Variants in PUDP observed in about 807,000 individuals in gnomAD.
PUDP encodes the protein pseudouridine-5'-phosphatase.
PUDP carries 8 observed loss-of-function variants against 9.4 expected under a neutral mutation model. The ratio of observed to expected loss-of-function variants is 0.85; its 90% confidence interval spans 0.50 to 1.53. The LOEUF (loss-of-function observed/expected upper bound fraction) is 1.53. Among genes scored for constraint, PUDP ranks in the 40% most tolerant of loss-of-function variants. The pLI, the probability that PUDP is intolerant of heterozygous loss-of-function variation, is 0.00. For synonymous variants in PUDP, 99 were observed against 80.7 expected (o/e 1.23, Z -1.22); for missense variants, 188 against 189.7 (o/e 0.99, Z 0.05).
chrX:7,130,875 G>C (rs1932603822), intron 1 of PUDP, among the ~76,000 whole-genome samples: 1 of 111,502 alleles, frequency 9.0e-6, no homozygotes, highest in African/African-American at 3.3e-5. Flanking sequence ...AACAGAATGA[G>C]ACTCTGTCTC....
At chrX:6,719,133 C>A (rs2146654209) in intron 1 of PUDP, among the ~76,000 whole-genome samples, 1 of 111,510 alleles carries the variant, frequency 9.0e-6, no homozygotes, top group South Asian at 3.9e-4. Context: ...ACTTAAACAA[C>A]AGAAATTTAT....
At chrX:6,950,591 T>A (rs1260108021) in intron 3 of PUDP, among the ~76,000 whole-genome samples, 1 of 104,879 alleles carries the variant, frequency 9.5e-6, no homozygotes, top group Non-Finnish European at 1.9e-5. Context: ...TTTGTATTTT[T>A]AGTGTAGACA....
chrX:6,940,291 A>G (rs1454074559), intron 3 of PUDP, among the ~76,000 whole-genome samples: 1 of 113,203 alleles, frequency 8.8e-6, no homozygotes, highest in Non-Finnish European at 1.9e-5. Flanking sequence ...GGCTTTTTTC[A>G]CACTACAATG....
At chrX:7,074,642 C>T (rs1290335563) in intron 3 of PUDP, among the ~76,000 whole-genome samples, 1 of 112,209 alleles carries the variant, frequency 8.9e-6, no homozygotes, top group Non-Finnish European at 1.9e-5. Context: ...TGAACAATAA[C>T]TCAGGTTAAA....
chrX:6,849,523 A>C (rs1926797616), intron 3 of PUDP, among the ~76,000 whole-genome samples: 1 of 111,454 alleles, frequency 9.0e-6, no homozygotes, highest in Non-Finnish European at 1.9e-5. Context: ...GATCATATTG[A>C]CCTGGCCAAA....
intron 2 of PUDP, among the ~76,000 whole-genome samples, chrX:7,088,548 T>G (rs1325849796): frequency 1.8e-5 from 2 of 111,926 alleles, no homozygotes; most frequent in African/African-American, 6.5e-5. Context: ...AACGTGAAAA[T>G]TTCCCTCTCA....
Position 6,801,427 on chromosome X carries a change from G to A in PUDP, c.*248-94961C>T, listed in dbSNP as rs182759337. 1.9e-3 allele frequency among the ~76,000 whole-genome samples: 218 copies of A among 112,370 alleles called. 1 individual carries two copies. Among genetic ancestry groups the A allele is most frequent in the African/African-American group, 6.8e-3 (210 of 30,939 alleles). Reference sequence around the variant, plus strand: ...TCTGTCACTTACAGAACCAATGACCGCCAACTGAGCAAAGGAGTAGGGTTC... The same window carrying A: ...TCTGTCACTTACAGAACCAATGACCACCAACTGAGCAAAGGAGTAGGGTTC... On this transcript the variant is annotated intron_variant and NMD_transcript_variant, in intron 3 of 3. Transcript: ENST00000655425.
At chrX:6,952,636 T>A (rs763708978) in intron 3 of PUDP, among the ~76,000 whole-genome samples, 1 of 111,250 alleles carries the variant, frequency 9.0e-6, no homozygotes, top group Non-Finnish European at 1.9e-5. Flanking sequence ...GCCAGTGTGG[T>A]GGTATTAGGA....
intron 1 of PUDP, among the ~76,000 whole-genome samples, chrX:7,030,124 A>G (rs868576167): frequency 4.1e-5 from 4 of 98,148 alleles, no homozygotes; most frequent in Non-Finnish European, 8.3e-5. Flanking sequence ...GGCTATTTCT[A>G]TCTTTCCTTC....
At chrX:6,792,615 C>G (rs1353027981) in intron 3 of PUDP, among the ~76,000 whole-genome samples, 5 of 111,574 alleles carry the variant, frequency 4.5e-5, no homozygotes, top group Non-Finnish European at 9.4e-5. Flanking sequence ...CCTACATTTC[C>G]TCCTGGTTTA....
chrX:6,959,900 T>A (rs1399928241), intron 3 of PUDP, among the ~76,000 whole-genome samples: 1 of 112,816 alleles, frequency 8.9e-6, no homozygotes, highest in Non-Finnish European at 1.9e-5. Flanking sequence ...TACATTTCTG[T>A]AAGTCCAATA....
chrX:6,731,063 TTTTTA>T (rs71951231), intron 3 of PUDP, among the ~76,000 whole-genome samples: 43,494 of 108,561 alleles, frequency 0.4, 6,499 homozygotes, highest in East Asian at 0.48. Context: ...AGTCTTTTTA[TTTTTA>T]TTTTATTTTA....
At chrX:6,759,349 C>T (rs996691687) in intron 3 of PUDP, among the ~76,000 whole-genome samples, 1 of 112,058 alleles carries the variant, frequency 8.9e-6, no homozygotes, top group South Asian at 3.7e-4. Flanking sequence ...GTGCTTCATC[C>T]ATTATGCCAT....
chrX:7,060,038 C>T (rs989034104), intron 3 of PUDP, among the ~76,000 whole-genome samples: 1 of 112,022 alleles, frequency 8.9e-6, no homozygotes, highest in African/African-American at 3.2e-5. Flanking sequence ...GTGGTGAGCA[C>T]GTGGCAGCTG....
chrX:6,797,283 T>C (rs1012636340), intron 3 of PUDP, among the ~76,000 whole-genome samples: 2 of 111,538 alleles, frequency 1.8e-5, no homozygotes, highest in African/African-American at 3.3e-5. Flanking sequence ...TTTTAATCAT[T>C]ATCATAGCTG....
At chrX:6,932,918 G>A (rs1928221536) in intron 3 of PUDP, among the ~76,000 whole-genome samples, 1 of 110,589 alleles carries the variant, frequency 9.0e-6, no homozygotes, top group South Asian at 3.9e-4. Flanking sequence ...GGCTGGGGGA[G>A]GGGCGCCCGC....
At chrX:7,077,703 G>A (rs1223876806) in intron 2 of PUDP, among the ~76,000 whole-genome samples, 3 of 112,707 alleles carry the variant, frequency 2.7e-5, no homozygotes, top group Admixed American at 9.3e-5. Context: ...GAAGAAGAGC[G>A]CACTGGGAGG....
chrX:6,941,918 AGGTCATTATCTTACG>A (rs2146777336), intron 3 of PUDP, among the ~76,000 whole-genome samples: 1 of 112,125 alleles, frequency 8.9e-6, no homozygotes, highest in South Asian at 3.7e-4. Flanking sequence ...ATGGAAATGC[AGGTCATTATCTTACG>A]TGAAACAACT....
chrX:7,030,461 C>A (rs992575722), intron 1 of PUDP, among the ~76,000 whole-genome samples: 1 of 112,056 alleles, frequency 8.9e-6, no homozygotes, highest in African/African-American at 3.2e-5. Flanking sequence ...CTTAACCATG[C>A]TGAAAAGCTT....
Sources: allele counts gnomAD v4.1 joint callset (sites outside exome capture counted in the v4.1 genomes callset), GRCh38; gene constraint gnomAD v4.1.1; transcripts MANE v1.5; gene names NCBI Gene and HGNC (gene_info 2026-07-23, HGNC 2026-07-21).